MEI4: variants seen among roughly 807,000 people sequenced by gnomAD.
The protein encoded by MEI4 is meiotic double-stranded break formation protein 4, also known as meiosis-specific protein MEI4.
In MEI4, 27 loss-of-function variants were observed where a neutral mutation model predicts 31.4. That is an observed-to-expected ratio of 0.86 (90% confidence interval 0.63 to 1.19). The LOEUF (loss-of-function observed/expected upper bound fraction) is 1.19, where lower values mean the gene tolerates loss of function less well. MEI4 is among the 50% of genes most tolerant of loss of function. The pLI is 0.00. For missense variants in MEI4, 329 were observed against 398.9 expected (o/e 0.82, Z 1.49); for synonymous variants, 122 against 145.4 (o/e 0.84, Z 1.16).
intron 2 of MEI4, among the ~76,000 whole-genome samples, chr6:77,757,451 T>C (rs1379304231): frequency 6.6e-6 from 1 of 152,188 alleles, no homozygotes; most frequent in Non-Finnish European, 1.5e-5. Flanking sequence ...AGGTGGTCAA[T>C]GTTGTGTATT....
intron 3 of MEI4, among the ~76,000 whole-genome samples, chr6:77,796,654 A>C (rs1052598726): frequency 5.9e-5 from 9 of 152,206 alleles, no homozygotes; most frequent in Non-Finnish European, 1.2e-4. Context: ...AAGGAGGTGT[A>C]AAATCTGTAC....
intron 4 of MEI4, among the ~76,000 whole-genome samples, chr6:77,909,410 T>C (rs143750534): frequency 0.021 from 3,162 of 152,126 alleles, 53 homozygotes; most frequent in South Asian, 0.034. Flanking sequence ...CAAACTACCA[T>C]CAGAGAATAC....
chr6:77,675,357 C>T (rs189212998), intron 1 of MEI4, among the ~76,000 whole-genome samples: 54 of 152,136 alleles, frequency 3.5e-4, no homozygotes, highest in Non-Finnish European at 5.9e-5. Context: ...CTTCAATGAA[C>T]ACAAGTTTTA....
chr6:77,746,765 G>A (rs1029573577), intron 2 of MEI4, among the ~76,000 whole-genome samples: 2 of 152,062 alleles, frequency 1.3e-5, no homozygotes, highest in African/African-American at 2.4e-5. Context: ...TTCACTGTAT[G>A]TGGAGGGTAA....
intron 4 of MEI4, among the ~76,000 whole-genome samples, chr6:77,918,791 A>G (rs1478284308): frequency 6.6e-6 from 1 of 151,940 alleles, no homozygotes; most frequent in Non-Finnish European, 1.5e-5. Context: ...CCTGGCCAGA[A>G]CTTCCAATAC....
chr6:77,749,918 C>A (rs1387012986), intron 2 of MEI4, among the ~76,000 whole-genome samples: 1 of 152,202 alleles, frequency 6.6e-6, no homozygotes, highest in East Asian at 1.9e-4. Context: ...AACAGCAGAT[C>A]TCTCTGCAGA....
intron 3 of MEI4, among the ~76,000 whole-genome samples, chr6:77,816,905 G>A (rs1464505822): frequency 2.6e-5 from 4 of 152,028 alleles, no homozygotes; most frequent in Non-Finnish European, 5.9e-5. Context: ...AACTTGCAGG[G>A]CTTTGCGCAA....
intron 4 of MEI4, among the ~76,000 whole-genome samples, chr6:77,831,366 G>A (rs1770075294): frequency 6.6e-6 from 1 of 151,760 alleles, no homozygotes; most frequent in South Asian, 2.1e-4. Context: ...TCTAAAAATA[G>A]AACTACCATA....
chr6:77,918,043 G>C (rs1199549353), intron 4 of MEI4, among the ~76,000 whole-genome samples: 1 of 151,370 alleles, frequency 6.6e-6, no homozygotes, highest in African/African-American at 2.4e-5. Context: ...CCCATTGCTT[G>C]TTTTTCTCAG....
chr6:77,744,040 G>A (rs1015515679), intron 2 of MEI4, among the ~76,000 whole-genome samples: 2 of 152,128 alleles, frequency 1.3e-5, no homozygotes, highest in Non-Finnish European at 2.9e-5. Context: ...AGAAAAACTG[G>A]AAACTCTAAA....
At chr6:77,731,349 G>T (rs528260132) in intron 2 of MEI4, among the ~76,000 whole-genome samples, 2,843 of 150,588 alleles carry the variant, frequency 0.019, 38 homozygotes, top group Non-Finnish European at 0.025. Flanking sequence ...ATCTCATTGT[G>T]GTTTTGATTT....
At chr6:77,770,607 G>C (rs866445908) in intron 3 of MEI4, among the ~76,000 whole-genome samples, 1 of 152,012 alleles carries the variant, frequency 6.6e-6, no homozygotes, top group South Asian at 2.1e-4. Flanking sequence ...CCACACTATA[G>C]GGCTACAGTA....
At chr6:77,750,939 A>C (rs1767754816) in intron 2 of MEI4, among the ~76,000 whole-genome samples, 1 of 152,220 alleles carries the variant, frequency 6.6e-6, no homozygotes, top group Non-Finnish European at 1.5e-5. Context: ...CCACAGTGCA[A>C]ATTAGAACTC....
chr6:77,678,226 A>G (rs926114341), intron 1 of MEI4, among the ~76,000 whole-genome samples: 7 of 152,222 alleles, frequency 4.6e-5, no homozygotes, highest in Non-Finnish European at 1.0e-4. Flanking sequence ...AAATGGCATT[A>G]CCAAAAATAA....
intron 3 of MEI4, among the ~76,000 whole-genome samples, chr6:77,786,178 T>C (rs951551062): frequency 1.3e-5 from 2 of 152,118 alleles, no homozygotes; most frequent in Non-Finnish European, 2.9e-5. Flanking sequence ...GAAGATTCAC[T>C]AAGGAAAAAT....
chr6:77,702,182 G>A (rs1259341015), intron 2 of MEI4, among the ~76,000 whole-genome samples: 6 of 152,162 alleles, frequency 3.9e-5, no homozygotes, highest in Non-Finnish European at 2.9e-5. Context: ...GTCCCAGCCT[G>A]CTCCGCCTCT....
chr6:77,789,647 T>TG (rs1412859255), intron 3 of MEI4, among the ~76,000 whole-genome samples: 5 of 152,046 alleles, frequency 3.3e-5, no homozygotes, highest in African/African-American at 1.2e-4. Context: ...AAAAGGCACA[T>TG]GAAAAAATGC....
Position 77,690,690 on chromosome 6 carries a change from T to C in MEI4, c.19T>C (p.Tyr7His). 1 of 1,231,068 alleles carries C rather than the reference T, an allele frequency of 8.1e-7. No homozygotes were observed. The highest frequency in any genetic ancestry group is 3.2e-5 in the East Asian group (1 of 31,694). 76.3% of individuals were successfully genotyped at this position (1,231,068 alleles called of 1,614,324 possible). A position where few individuals can be genotyped will look rare whatever the true frequency, so the allele number is the denominator to read the frequency against. Residue 7 changes from tyrosine to histidine, a missense_variant, in exon 2 of 5, where the codon TAT becomes CAT. Coordinates refer to ENST00000684080, the MANE Select transcript of MEI4 (RefSeq NM_001322247.2). MDVQKW[Y>H]LRTSKLALAL... ...AGCCAGGATGGATGTTCAAAAATGG[T>C]ATTTGAGAACTTCAAAGCTGGCTCT...
At chr6:77,674,299 AAAG>A (rs369798296) in intron 1 of MEI4, among the ~76,000 whole-genome samples, 5 of 152,206 alleles carry the variant, frequency 3.3e-5, no homozygotes, top group Non-Finnish European at 7.4e-5. Flanking sequence ...GTATTATAAA[AAAG>A]CGCAACAAAA....
Sources: gnomAD v4.1 joint callset for allele counts (sites outside exome capture counted in the v4.1 genomes callset) on GRCh38, gnomAD v4.1.1 for gene constraint, MANE v1.5 for transcripts, NCBI Gene and HGNC (gene_info 2026-07-23, HGNC 2026-07-21) for gene names.